The following PDXDC1 variants were observed in gnomAD, a reference collection of about 807,000 sequenced individuals.
PDXDC1 encodes the protein pyridoxal-dependent decarboxylase domain-containing protein 1.
Under a neutral mutation model 100.1 loss-of-function variants are expected in PDXDC1, and 42 were observed. That is an observed-to-expected ratio of 0.42 (90% CI 0.33 to 0.54). The LOEUF (loss-of-function observed/expected upper bound fraction) is 0.54. Among genes scored for constraint, PDXDC1 ranks in the 20% least tolerant of loss-of-function variants. The pLI is 0.10. For synonymous variants in PDXDC1, 260 were observed against 371.7 expected, an observed-to-expected ratio of 0.70 and a Z score of 3.46; for missense variants, 636 against 979.2, an observed-to-expected ratio of 0.65 and a Z score of 4.68.
chr16:15,057,305 T>C (rs962608868), intron 16 of PDXDC1, among the ~76,000 whole-genome samples: 7 of 152,208 alleles, frequency 4.6e-5, no homozygotes, highest in Non-Finnish European at 8.8e-5. Context: ...TATTTCTCTG[T>C]ATTATTACAC....
intron 16 of PDXDC1, chr16:15,056,014 C>T (rs1365074415): frequency 3.7e-6 from 4 of 1,072,272 alleles, no homozygotes; most frequent in Non-Finnish European, 4.7e-6. Flanking sequence ...GGCGGCGGCC[C>T]CCCGCTTTGC....
intron 16 of PDXDC1, chr16:15,137,315 G>A (rs1347492812): frequency 2.2e-4 from 276 of 1,246,418 alleles, no homozygotes; most frequent in Non-Finnish European, 2.5e-4. Context: ...AGGAGGCGGC[G>A]GGGGGCCGGA....
At chr16:15,000,711 T>C (rs1972956032) in intron 3 of PDXDC1, among the ~76,000 whole-genome samples, 1 of 152,276 alleles carries the variant, frequency 6.6e-6, no homozygotes, top group African/African-American at 2.4e-5. Flanking sequence ...AAAATGTTTT[T>C]ATACTCTAAG....
At chr16:15,057,924 G>A (rs1346278288) in intron 16 of PDXDC1, among the ~76,000 whole-genome samples, 1 of 152,086 alleles carries the variant, frequency 6.6e-6, no homozygotes, top group East Asian at 1.9e-4. Flanking sequence ...TGTGTTAAAG[G>A]ACTAAATGAG....
downstream of PDXDC1, among the ~76,000 whole-genome samples, chr16:15,141,975 GC>G (rs927068195): frequency 1.3e-5 from 2 of 152,184 alleles, no homozygotes; most frequent in Non-Finnish European, 2.9e-5. Context: ...AGGCGCAGCA[GC>G]CCTAAGGGGC....
intron 16 of PDXDC1, among the ~76,000 whole-genome samples, chr16:15,030,657 C>T (rs898810252): frequency 6.0e-5 from 9 of 151,154 alleles, no homozygotes; most frequent in South Asian, 2.1e-4. Flanking sequence ...GATCATGGCT[C>T]ACTGCAGCCT....
intron 16 of PDXDC1, among the ~76,000 whole-genome samples, chr16:15,046,697 CAAAAAAAAAAAA>C (rs9331444): frequency 6.9e-5 from 3 of 43,620 alleles, no homozygotes; most frequent in African/African-American, 2.9e-4. Context: ...CTGTCTCTAC[CAAAAAAAAAAAA>C]AAAAAAAAAA....
intron 16 of PDXDC1, among the ~76,000 whole-genome samples, chr16:15,054,554 G>A (rs1165089060): frequency 1.3e-5 from 2 of 152,104 alleles, no homozygotes; most frequent in African/African-American, 4.8e-5. Flanking sequence ...AAAGTGACAC[G>A]CCACCACGCC....
At chr16:15,071,096 G>A (rs1318537235) in intron 16 of PDXDC1, 1 of 1,583,630 alleles carries the variant, frequency 6.3e-7, no homozygotes, top group Non-Finnish European at 8.6e-7. Flanking sequence ...ATATTAAAAA[G>A]TATTCGGAAA....
At chr16:15,143,602 T>A (rs1254496163), downstream of PDXDC1, among the ~76,000 whole-genome samples, 2 of 152,300 alleles carry the variant, frequency 1.3e-5, no homozygotes, top group Admixed American at 1.3e-4. Flanking sequence ...GGGTGAAGCC[T>A]GAGGCTGGCA....
intron 16 of PDXDC1, among the ~76,000 whole-genome samples, chr16:15,056,513 C>T (rs1449800233): frequency 6.6e-6 from 1 of 152,226 alleles, no homozygotes; most frequent in Non-Finnish European, 1.5e-5. Context: ...CGGTGGCTCA[C>T]GCCTGTAATC....
At chr16:15,055,632 C>T in intron 16 of PDXDC1, 1 of 332,856 alleles carries the variant, frequency 3.0e-6, no homozygotes, top group Non-Finnish European at 5.4e-6. Context: ...CAGTGCTGTG[C>T]GACCTTGGGC....
intron 16 of PDXDC1, among the ~76,000 whole-genome samples, chr16:15,064,858 CAT>C (rs954367149): frequency 6.6e-6 from 1 of 152,222 alleles, no homozygotes; most frequent in Non-Finnish European, 1.5e-5. Context: ...GAAAAGCAAA[CAT>C]GTATCACGTT....
intron 1 of PDXDC1, among the ~76,000 whole-genome samples, chr16:14,984,261 G>A (rs1388806297): frequency 7.0e-6 from 1 of 142,414 alleles, no homozygotes; most frequent in African/African-American, 2.6e-5. Context: ...TCCCTGCCCT[G>A]CTTTCTGTCA....
At position 15,005,302 on chromosome 16, in the gene PDXDC1, C is replaced by A. The variant is rs1346141219; in HGVS notation, c.389+969C>A. On this transcript the variant is annotated intron_variant, in intron 5 of 22. Coordinates refer to ENST00000396410, the MANE Select transcript of PDXDC1 (RefSeq NM_015027.4). ...CCTGGGCGACAGAGTGAGACTCTGTCTCAAAAAAAAAAAAAAAAGAAAACT... is the reference window on the plus strand; with the variant it reads ...CCTGGGCGACAGAGTGAGACTCTGTATCAAAAAAAAAAAAAAAAGAAAACT... Among the ~76,000 whole-genome samples the A allele has an allele frequency of 8.8e-4, 27 of 30,592 alleles. No homozygotes were observed. The East Asian group carries it at 0.023, about 26-fold the overall frequency. 20.1% of individuals were successfully genotyped at this position (30,592 alleles called of 152,430 possible). A position where few individuals can be genotyped will look rare whatever the true frequency, so the allele number is the denominator to read the frequency against.
intron 16 of PDXDC1, among the ~76,000 whole-genome samples, chr16:15,105,002 A>C (rs1042671664): frequency 6.6e-6 from 1 of 150,626 alleles, no homozygotes; most frequent in Non-Finnish European, 1.5e-5. Context: ...TCTGTCTGCA[A>C]ATGTAGGCAG....
At chr16:15,010,584 C>T (rs1156345110) in intron 8 of PDXDC1, among the ~76,000 whole-genome samples, 24 of 152,272 alleles carry the variant, frequency 1.6e-4, no homozygotes, top group African/African-American at 1.4e-4. Flanking sequence ...ACCTTATAGG[C>T]GGCAGAGCAA....
At chr16:15,032,546 C>T (rs1366640419) in intron 17 of PDXDC1, 5 of 226,084 alleles carry the variant, frequency 2.2e-5, no homozygotes, top group East Asian at 1.2e-4. Flanking sequence ...CCCAGCTACT[C>T]GGGAAGCTTA....
intron 14 of PDXDC1, 64 bp from the exon 15 acceptor site, chr16:15,028,814 G>C: frequency 6.7e-7 from 1 of 1,496,762 alleles, no homozygotes; most frequent in African/African-American, 1.4e-5. Context: ...GTGGGGTTTG[G>C]AGGGTGTTTT....
Sources: gnomAD v4.1 joint callset for allele counts (sites outside exome capture counted in the v4.1 genomes callset) on GRCh38, gnomAD v4.1.1 for gene constraint, MANE v1.5 for transcripts, NCBI Gene and HGNC (gene_info 2026-07-23, HGNC 2026-07-21) for gene names.